The following CDH8 variants were observed in gnomAD, a reference collection of about 807,000 sequenced individuals.
CDH8 encodes cadherin-8.
A neutral mutation model predicts 68.1 loss-of-function variants in CDH8; 17 were observed. The ratio of observed to expected loss-of-function variants is 0.25; its 90% CI spans 0.17 to 0.37. The LOEUF (loss-of-function observed/expected upper bound fraction) is 0.37. Ranked by LOEUF, CDH8 falls within the 10% of genes least tolerant of loss-of-function variation. The pLI, the probability that CDH8 is intolerant of heterozygous loss-of-function variation, is 1.00. For missense variants in CDH8, 763 were observed against 999.3 expected, an observed-to-expected ratio of 0.76 and a Z score of 3.19; for synonymous variants, 372 against 365.1, an observed-to-expected ratio of 1.02 and a Z score of -0.21.
intron 1 of CDH8, among the ~76,000 whole-genome samples, chr16:62,022,212 T>A (rs1378013145): frequency 2.6e-5 from 4 of 152,148 alleles, no homozygotes; most frequent in Non-Finnish European, 4.4e-5. Flanking sequence ...CCAGGATTCA[T>A]CAGAAGGGAT....
intron 2 of CDH8, among the ~76,000 whole-genome samples, chr16:61,973,549 G>T (rs547868968): frequency 2.6e-4 from 40 of 152,266 alleles, no homozygotes; most frequent in African/African-American, 8.7e-4. Context: ...CCTGAATCAG[G>T]TGCATGTGGT....
At chr16:61,718,941 A>G (rs1381676178) in intron 9 of CDH8, among the ~76,000 whole-genome samples, 1 of 150,952 alleles carries the variant, frequency 6.6e-6, no homozygotes, top group Non-Finnish European at 1.5e-5. Flanking sequence ...ATAGGTAAAT[A>G]AGAAATTTTA....
intron 10 of CDH8, among the ~76,000 whole-genome samples, chr16:61,672,542 G>A (rs1246288697): frequency 6.6e-6 from 1 of 151,894 alleles, no homozygotes; most frequent in African/African-American, 2.4e-5. Flanking sequence ...TGTTCTTTCA[G>A]AGTTTTTCAT....
intron 7 of CDH8, among the ~76,000 whole-genome samples, chr16:61,795,386 CAG>C (rs1254600573): frequency 2.0e-5 from 3 of 151,994 alleles, no homozygotes; most frequent in Non-Finnish European, 4.4e-5. Flanking sequence ...CCTGAGGAGC[CAG>C]AGAGTCTTCA....
At chr16:61,777,507 T>G in intron 8 of CDH8, among the ~76,000 whole-genome samples, 1 of 152,138 alleles carries the variant, frequency 6.6e-6, no homozygotes, top group East Asian at 1.9e-4. Context: ...AGCTTAGGAC[T>G]GGGAGGCTAT....
At chr16:61,761,591 A>G (rs1230989075) in intron 8 of CDH8, among the ~76,000 whole-genome samples, 1 of 152,188 alleles carries the variant, frequency 6.6e-6, no homozygotes, top group African/African-American at 2.4e-5. Context: ...ATACAAAAGT[A>G]TGAGTTCCAC....
chr16:61,681,836 G>A (rs998282621), intron 10 of CDH8, among the ~76,000 whole-genome samples: 4 of 151,806 alleles, frequency 2.6e-5, no homozygotes, highest in African/African-American at 4.8e-5. Flanking sequence ...TCCACAGAAC[G>A]TTCCTTTGAG....
At chr16:61,871,895 C>T (rs1045359749) in intron 3 of CDH8, among the ~76,000 whole-genome samples, 2 of 143,040 alleles carry the variant, frequency 1.4e-5, no homozygotes, top group Admixed American at 7.2e-5. Context: ...AGACACTCAC[C>T]GTACATATTT....
chr16:62,012,867 A>AT (rs763029680), intron 2 of CDH8, among the ~76,000 whole-genome samples: 8 of 152,124 alleles, frequency 5.3e-5, no homozygotes, highest in East Asian at 1.9e-4. Context: ...TGCATTTGGG[A>AT]TTTTTTTATG....
rs1275872709 is a variant in CDH8, at chr16:61,718,749, T to C, written c.1537-4791A>G. 2.6e-5 allele frequency among the ~76,000 whole-genome samples: 4 copies of C among 151,262 alleles called. No homozygotes were observed. In the East Asian group the frequency reaches 7.8e-4, roughly 29 times the overall value. On this transcript the variant is annotated intron_variant, in intron 9 of 11. Transcript: ENST00000577390. ...CCTTGAAAATGAAATAGTATGAAAT[T>C]ATTTACATATGCGCATTTATGAGGG... is the stretch of plus-strand genomic sequence containing the variant.
intron 4 of CDH8, among the ~76,000 whole-genome samples, chr16:61,834,901 C>T (rs764047151): frequency 5.9e-5 from 9 of 151,916 alleles, no homozygotes; most frequent in Non-Finnish European, 1.3e-4. Flanking sequence ...AGTCCCGCAG[C>T]CTGCAGCTGT....
intron 2 of CDH8, among the ~76,000 whole-genome samples, chr16:62,005,552 A>G (rs1242884694): frequency 6.6e-6 from 1 of 151,856 alleles, no homozygotes; most frequent in African/African-American, 2.4e-5. Flanking sequence ...CCTGGCCAAC[A>G]TGGTGAAACT....
intron 7 of CDH8, among the ~76,000 whole-genome samples, chr16:61,817,263 G>A (rs967929729): frequency 1.3e-5 from 2 of 151,666 alleles, no homozygotes; most frequent in African/African-American, 4.8e-5. Flanking sequence ...ATTGTTCCTG[G>A]CTCTGGGCTC....
chr16:61,781,827 T>C (rs889600350), intron 8 of CDH8, among the ~76,000 whole-genome samples: 2 of 152,132 alleles, frequency 1.3e-5, no homozygotes, highest in Non-Finnish European at 2.9e-5. Context: ...CTAAATGAGG[T>C]TAACACTTCT....
chr16:61,776,627 T>C (rs966280689), intron 8 of CDH8, among the ~76,000 whole-genome samples: 2 of 152,218 alleles, frequency 1.3e-5, no homozygotes, highest in South Asian at 2.1e-4. Context: ...CTGGATTAGG[T>C]TGGGTAGTTT....
chr16:61,743,273 A>T (rs765246496), intron 8 of CDH8: 7 of 152,156 alleles, frequency 4.6e-5, no homozygotes, highest in Admixed American at 6.6e-5. Flanking sequence ...CTATCACGGG[A>T]GCACAGCTAC....
intron 2 of CDH8, among the ~76,000 whole-genome samples, chr16:61,962,511 T>A (rs995568425): frequency 6.6e-6 from 1 of 152,184 alleles, no homozygotes; most frequent in Non-Finnish European, 1.5e-5. Flanking sequence ...AACCTGCCCT[T>A]CGAAGAGAGT....
rs76511542 is a variant in CDH8, at chr16:62,023,782, G to A, written c.-199-2180C>T. Among the ~76,000 whole-genome samples the A allele has an allele frequency of 6.3e-3, 966 of 152,248 alleles. 10 individuals are homozygous for A. The highest frequency in any genetic ancestry group is 0.022 in the African/African-American group (904 of 41,538). ...ACATGGGGAGATCCATTCTAGTCAT[G>A]GAGGCTCAGCCTAAACTTCTCAGAG... On this transcript the variant is annotated intron_variant, in intron 1 of 11. Transcript: ENST00000577390.
chr16:61,813,257 G>A (rs1191448830), intron 7 of CDH8, among the ~76,000 whole-genome samples: 2 of 152,072 alleles, frequency 1.3e-5, no homozygotes, highest in East Asian at 1.9e-4. Flanking sequence ...CCCAGTTGAC[G>A]AGTTACAGAG....
Sources: allele counts gnomAD v4.1 joint callset (sites outside exome capture counted in the v4.1 genomes callset), GRCh38; gene constraint gnomAD v4.1.1; transcripts MANE v1.5; gene names NCBI Gene and HGNC (gene_info 2026-07-23, HGNC 2026-07-21).